The following TTC36 variants were observed in gnomAD, a reference collection of about 807,000 sequenced individuals.
TTC36 encodes the protein tetratricopeptide repeat domain 36.
In TTC36, 15 loss-of-function variants were observed where a neutral mutation model predicts 17.5. That is an observed-to-expected ratio of 0.86 (90% CI 0.57 to 1.32). The LOEUF (loss-of-function observed/expected upper bound fraction) is 1.32, where lower values mean the gene tolerates loss of function less well. TTC36 is among the 40% of genes most tolerant of loss of function. The probability of loss-of-function intolerance (pLI) is 0.00; values close to 1 mark genes in which losing one functional copy is unlikely to be tolerated. For synonymous variants in TTC36, 112 were observed against 109.8 expected (o/e 1.02, Z -0.13); for missense variants, 292 against 260.9 (o/e 1.12, Z -0.82).
At chr11:118,529,452 G>A (rs919169700) in intron 2 of TTC36, among the ~76,000 whole-genome samples, 3 of 152,200 alleles carry the variant, frequency 2.0e-5, no homozygotes, top group African/African-American at 7.2e-5. Context: ...GTTAGTTGGT[G>A]GGTGGAGAAG....
chr11:118,528,641 G>A lies in TTC36; in HGVS notation c.157G>A (p.Ala53Thr). The stretch of plus-strand genomic sequence containing the variant: ...TCAAGCACAGCTGGAACAGTCCAAG[G>A]CCCTGGAGCTGCAGGGGGTGATGGC... ...FPQAQLEQSKALELQGVMAAE... is the reference protein window; with the variant it reads ...FPQAQLEQSKTLELQGVMAAE... Residue 53 changes from alanine to threonine, a missense_variant, in exon 2 of 3, where the codon GCC (alanine) becomes ACC (threonine). Physicochemically the swap from Ala to Thr is moderately conservative, Grantham distance 58. Coordinates refer to ENST00000302783, the MANE Select transcript of TTC36 (RefSeq NM_001080441.4). 2 of 1,609,640 alleles carry A rather than the reference G, an allele frequency of 1.2e-6. No homozygotes were observed. Among genetic ancestry groups the A allele is most frequent in the Non-Finnish European group, 1.7e-6 (2 of 1,177,370 alleles).
chr11:118,529,346 A>C (rs1555056687), intron 2 of TTC36, among the ~76,000 whole-genome samples: 1 of 152,198 alleles, frequency 6.6e-6, no homozygotes, highest in African/African-American at 2.4e-5. Context: ...TCCAGGAGGC[A>C]GGGCAGACAC....
At chr11:118,528,176 G>C (rs1951121325) in intron 1 of TTC36, 1 of 349,622 alleles carries the variant, frequency 2.9e-6, no homozygotes, top group South Asian at 2.3e-5. Flanking sequence ...GGATACGTCA[G>C]AAGTGATGTT....
rs1951217536 is a variant in TTC36, at chr11:118,530,982, G to A, written c.*66G>A. 3 of 1,410,988 alleles carry A rather than the reference G, an allele frequency of 2.1e-6. No individual in the cohort carries two copies. Among genetic ancestry groups the A allele is most frequent in the African/African-American group, 1.5e-5 (1 of 65,732 alleles). 87.4% of individuals were successfully genotyped at this position (1,410,988 alleles called of 1,614,324 possible). On this transcript the variant is annotated 3_prime_UTR_variant, in exon 3 of 3. Coordinates refer to ENST00000302783, the MANE Select transcript of TTC36 (RefSeq NM_001080441.4). The surrounding 1 kb of genome is among the most constrained non-coding windows in gnomAD (Gnocchi z 5.8). The stretch of plus-strand genomic sequence containing the variant: ...TGGGCCCTGAACCAATAAAGCCGTC[G>A]GGCCTCACCGACTCCGCCTGCTCCT...
At chr11:118,529,895 A>T (rs1951172345) in intron 2 of TTC36, among the ~76,000 whole-genome samples, 1 of 152,258 alleles carries the variant, frequency 6.6e-6, no homozygotes, top group Non-Finnish European at 1.5e-5. Context: ...ATTGAAGCAG[A>T]GCCCGAAAGA....
In TTC36 at chr11:118,528,622, A is replaced by C. The variant is rs781967582; in HGVS notation, c.138A>C (p.Ala46=). The change falls in exon 2 of 3, where the codon GCA becomes GCC. Residue 46 remains alanine, a synonymous_variant. Coordinates refer to ENST00000302783, the MANE Select transcript of TTC36 (RefSeq NM_001080441.4). The part of the protein sequence containing the change: ...EREEDEVFPQ[A]QLEQSKALEL... ...GCCCAGATGAAGTTTTCCCTCAAGCACAGCTGGAACAGTCCAAGGCCCTGG... is the reference window on the plus strand; with the variant it reads ...GCCCAGATGAAGTTTTCCCTCAAGCCCAGCTGGAACAGTCCAAGGCCCTGG... 3.2e-6 allele frequency: 5 copies of C among 1,572,982 alleles called. No homozygotes were observed. Among genetic ancestry groups the C allele is most frequent in the Non-Finnish European group, 4.3e-6 (5 of 1,156,410 alleles).
Position 118,530,454 on chromosome 11 carries a change from C to G in TTC36, c.308-200C>G, listed in dbSNP as rs1555057144. On this transcript the variant is annotated intron_variant, in intron 2 of 2. Transcript: ENST00000302783. The surrounding 1 kb of genome is among the most constrained non-coding windows in gnomAD (Gnocchi z 5.8). The stretch of plus-strand genomic sequence containing the variant: ...GCCACTAAGTGGCTTGGCTGTAGAG[C>G]TTAACTCTTCCACAGTCTTCATCTG... 1.7e-6 allele frequency: 1 copy of G among 572,714 alleles called. No homozygotes were observed. Among genetic ancestry groups the G allele is most frequent in the East Asian group, 3.7e-5 (1 of 27,274 alleles). 35.5% of individuals were successfully genotyped at this position (572,714 alleles called of 1,614,324 possible).
intron 2 of TTC36, among the ~76,000 whole-genome samples, chr11:118,529,094 A>G (rs1488869569): frequency 6.6e-6 from 1 of 152,222 alleles, no homozygotes; most frequent in Non-Finnish European, 1.5e-5. Flanking sequence ...AGCAGTCACT[A>G]TGTACCAGGC....
At position 118,528,811 on chromosome 11, in the gene TTC36, A is replaced by G. The variant is rs1555056527; in HGVS notation, c.307+20A>G. The stretch of plus-strand genomic sequence containing the variant: ...TGGCAGGTAAGGGGAGATGCCCTGT[A>G]TCCTCTGCAAAAGGGCCCACGGGAG... On this transcript the variant is annotated intron_variant, in intron 2 of 2. Transcript: ENST00000302783. 2 of 1,578,618 alleles carry G rather than the reference A, an allele frequency of 1.3e-6. No homozygotes were observed. Among genetic ancestry groups the G allele is most frequent in the Non-Finnish European group, 1.7e-6 (2 of 1,159,866 alleles).
At chr11:118,528,088 C>T (rs1951118903) in intron 1 of TTC36, 1 of 412,836 alleles carries the variant, frequency 2.4e-6, no homozygotes, top group Non-Finnish European at 4.8e-6. Context: ...TCCATTAATC[C>T]CTAATGAAGG....
chr11:118,527,626 C>T lies in TTC36; in HGVS notation c.118+14C>T, dbSNP rs1555056090. 6.3e-7 allele frequency: 1 copy of T among 1,597,784 alleles called. No homozygotes were observed. Among genetic ancestry groups the T allele is most frequent in the Non-Finnish European group, 8.6e-7 (1 of 1,165,302 alleles). On this transcript the variant is annotated intron_variant, in intron 1 of 2. Coordinates refer to ENST00000302783, the MANE Select transcript of TTC36 (RefSeq NM_001080441.4). ...AACGAGAAGAAGGTGGGCATTTGAT[C>T]TGGAGTGTAGCTCTGCACATAGGCT...
rs1343967110 is a variant in TTC36, at chr11:118,530,552, A to G, written c.308-102A>G. On this transcript the variant is annotated intron_variant, in intron 2 of 2. Coordinates refer to ENST00000302783, the MANE Select transcript of TTC36 (RefSeq NM_001080441.4). This position sits in a 1 kb window ranked among gnomAD's most constrained non-coding sequence, Gnocchi z 5.8. ...GTAAATGGCCACGCCCGGGAGCCGC[A>G]AGAACCACGGTGATCCGCGCGGCCG... is the stretch of plus-strand genomic sequence containing the variant. The G allele has an allele frequency of 1.5e-6, 2 of 1,303,112 alleles. No individual in the cohort carries two copies. The highest frequency in any genetic ancestry group is 2.0e-6 in the Non-Finnish European group (2 of 1,023,052). 80.7% of individuals were successfully genotyped at this position (1,303,112 alleles called of 1,614,324 possible). A position where few individuals can be genotyped will look rare whatever the true frequency, so the allele number is the denominator to read the frequency against.
Position 118,527,514 on chromosome 11 carries a change from A to G in TTC36, c.20A>G (p.Gln7Arg). 6.2e-7 allele frequency: 1 copy of G among 1,614,038 alleles called. No individual in the cohort carries two copies. The change falls in exon 1 of 3, where the codon CAG (glutamine) becomes CGG (arginine). Residue 7 changes from glutamine (Q) to arginine (R), a missense_variant. Physicochemically the swap from Gln to Arg is conservative, Grantham distance 43. Transcript: ENST00000302783. MGTPND[Q>R]AVLQAIFNPD... ...AGCACCATGGGGACTCCAAATGATC[A>G]GGCAGTGCTGCAGGCCATCTTCAAC...
rs1160630368 is a variant in TTC36 at position 118,530,445 on chromosome 11, G to A, written c.308-209G>A. On this transcript the variant is annotated intron_variant, in intron 2 of 2. Coordinates refer to ENST00000302783, the MANE Select transcript of TTC36 (RefSeq NM_001080441.4). The surrounding 1 kb of genome is among the most constrained non-coding windows in gnomAD (Gnocchi z 5.8). ...CCCAGCTCTGCCACTAAGTGGCTTG[G>A]CTGTAGAGCTTAACTCTTCCACAGT... The A allele has an allele frequency of 1.9e-6, 1 of 524,028 alleles. No homozygotes were observed. Among genetic ancestry groups the A allele is most frequent in the Non-Finnish European group, 3.1e-6 (1 of 326,346 alleles). 32.5% of individuals were successfully genotyped at this position (524,028 alleles called of 1,614,324 possible).
intron 2 of TTC36, 148 bp downstream of exon 2, chr11:118,528,939 C>T (rs542139924): frequency 7.1e-4 from 458 of 645,234 alleles, no homozygotes; most frequent in Non-Finnish European, 9.1e-4. Flanking sequence ...ATCAGGGGAC[C>T]TGCTAATATC....
Position 118,530,953 on chromosome 11 carries a change from G to A in TTC36, c.*37G>A, listed in dbSNP as rs1951216558. The A allele has an allele frequency of 6.8e-7, 1 of 1,469,998 alleles. No individual in the cohort carries two copies. Among genetic ancestry groups the A allele is most frequent in the African/African-American group, 1.5e-5 (1 of 67,254 alleles). The allele number at this position is 1,469,998 out of a possible 1,614,324, so 91.1% of individuals were successfully genotyped here. ...CCGGGCGTCCGCGGGCGAGGGGACG[G>A]GACTGGGCCCTGAACCAATAAAGCC... On this transcript the variant is annotated 3_prime_UTR_variant, in exon 3 of 3. Transcript: ENST00000302783. The surrounding 1 kb of genome is among the most constrained non-coding windows in gnomAD (Gnocchi z 5.8).
intron 2 of TTC36, among the ~76,000 whole-genome samples, chr11:118,529,061 A>G (rs990835994): frequency 1.3e-5 from 2 of 152,246 alleles, no homozygotes; most frequent in Non-Finnish European, 2.9e-5. Flanking sequence ...GATAAAAGGT[A>G]TATGGATCAC....
rs1454356994 is a variant in TTC36, at chr11:118,528,782, G to A, written c.298G>A (p.Asp100Asn). 6.2e-7 allele frequency: 1 copy of A among 1,606,774 alleles called. No homozygotes were observed. The highest frequency in any genetic ancestry group is 8.5e-7 in the Non-Finnish European group (1 of 1,176,712). The change falls in exon 2 of 3, where the codon GAC becomes AAC. Residue 100 changes from aspartate to asparagine, a missense_variant. Asp to Asn is a conservative substitution (Grantham distance 23). Transcript: ENST00000302783. ...TGCCCAGGCCCGGCGACTCCAGGGA[G>A]ACGTGGCAGGTAAGGGGAGATGCCC... ...NRAQARRLQG[D>N]VAGALEDLER...
intron 2 of TTC36, among the ~76,000 whole-genome samples, chr11:118,529,121 A>G (rs1951144570): frequency 6.6e-6 from 1 of 152,206 alleles, no homozygotes; most frequent in Admixed American, 6.5e-5. Flanking sequence ...CACTTTACAT[A>G]CAAACTAGTA....
Sources: gnomAD v4.1 joint callset for allele counts (sites outside exome capture counted in the v4.1 genomes callset) on GRCh38, gnomAD v4.1.1 for gene constraint, Gnocchi (gnomAD v3.1) non-coding constraint, MANE v1.5 for transcripts, NCBI Gene and HGNC (gene_info 2026-07-23, HGNC 2026-07-21) for gene names.